RBFOX3: variants seen among roughly 807,000 people sequenced by gnomAD.
RBFOX3 encodes the protein RNA binding protein fox-1 homolog 3.
Under a neutral mutation model 48.7 loss-of-function variants are expected in RBFOX3, and 17 were observed. The ratio of observed to expected loss-of-function variants is 0.35; its 90% confidence interval spans 0.24 to 0.52. The LOEUF (loss-of-function observed/expected upper bound fraction) is 0.52, where lower values mean the gene tolerates loss of function less well. Among genes scored for constraint, RBFOX3 ranks in the 20% least tolerant of loss-of-function variants. RBFOX3 has a pLI of 0.94. For missense variants in RBFOX3, 382 were observed against 497.5 expected, an observed-to-expected ratio of 0.77 and a Z score of 2.21; for synonymous variants, 212 against 209.5, an observed-to-expected ratio of 1.01 and a Z score of -0.10.
At chr17:79,177,097 A>C (rs2050728679) in intron 4 of RBFOX3, among the ~76,000 whole-genome samples, 1 of 151,948 alleles carries the variant, frequency 6.6e-6, no homozygotes, top group Non-Finnish European at 1.5e-5. Context: ...TGCCCATGGG[A>C]CTGTCTGTCC....
At chr17:79,259,314 G>A (rs766810053) in intron 3 of RBFOX3, among the ~76,000 whole-genome samples, 23 of 152,334 alleles carry the variant, frequency 1.5e-4, no homozygotes, top group Admixed American at 7.8e-4. Context: ...CACCGATCTC[G>A]GGTAGGGTCC....
intron 1 of RBFOX3, among the ~76,000 whole-genome samples, chr17:79,486,535 GCACATATGCT>G (rs2079633955): frequency 6.6e-6 from 1 of 152,178 alleles, no homozygotes; most frequent in South Asian, 2.1e-4. Context: ...ACATATGCGT[GCACATATGCT>G]CACATATGCA....
chr17:79,217,573 G>A (rs2059215528), intron 4 of RBFOX3, among the ~76,000 whole-genome samples: 1 of 152,174 alleles, frequency 6.6e-6, no homozygotes, highest in African/African-American at 2.4e-5. Context: ...AGATGGAGGG[G>A]TGAATGGGTA....
intron 1 of RBFOX3, among the ~76,000 whole-genome samples, chr17:79,501,549 A>G (rs1156614528): frequency 6.6e-6 from 1 of 152,218 alleles, no homozygotes; most frequent in African/African-American, 2.4e-5. Flanking sequence ...TGAACCTGCA[A>G]GAGCCGAGGG....
intron 1 of RBFOX3, among the ~76,000 whole-genome samples, chr17:79,555,692 T>TA (rs2091676277): frequency 6.6e-6 from 1 of 152,196 alleles, no homozygotes; most frequent in African/African-American, 2.4e-5. Flanking sequence ...ATGGTGGTGA[T>TA]GGTGGTGATA....
intron 1 of RBFOX3, among the ~76,000 whole-genome samples, chr17:79,540,128 G>A (rs938386643): frequency 3.3e-5 from 5 of 152,096 alleles, no homozygotes; most frequent in African/African-American, 4.8e-5. Flanking sequence ...TCTTTCTCCC[G>A]GTAATCACAC....
At chr17:79,592,476 A>G (rs1238801990) in intron 1 of RBFOX3, among the ~76,000 whole-genome samples, 1 of 151,950 alleles carries the variant, frequency 6.6e-6, no homozygotes, top group Non-Finnish European at 1.5e-5. Context: ...TAGTGTGTGC[A>G]TGTGTACGTG....
rs533048629 is a variant in RBFOX3, at chr17:79,354,591, G to A, written c.-174-46767C>T. ...ACTTCCACCACGGGGAGAAACCAGCGTGGAAGGCAGTAGGAAGATGACAGG... is the reference window on the plus strand; with the variant it reads ...ACTTCCACCACGGGGAGAAACCAGCATGGAAGGCAGTAGGAAGATGACAGG... On this transcript the variant is annotated intron_variant, in intron 2 of 14. Coordinates refer to ENST00000693108, the MANE Select transcript of RBFOX3 (RefSeq NM_001350451.2). 2.6e-5 allele frequency among the ~76,000 whole-genome samples: 4 copies of A among 152,372 alleles called. No homozygotes were observed. The South Asian group carries it at 6.2e-4, about 24-fold the overall frequency.
chr17:79,114,026 G>C (rs770734513), intron 5 of RBFOX3, among the ~76,000 whole-genome samples: 1 of 152,094 alleles, frequency 6.6e-6, no homozygotes, highest in Non-Finnish European at 1.5e-5. Flanking sequence ...GTTTTCTTCT[G>C]GGACGAACCC....
intron 3 of RBFOX3, among the ~76,000 whole-genome samples, chr17:79,282,845 C>G (rs1255733884): frequency 6.6e-6 from 1 of 152,266 alleles, no homozygotes; most frequent in Non-Finnish European, 1.5e-5. Flanking sequence ...GAGAAAGAGG[C>G]TGGTCTACTG....
At chr17:79,226,487 C>T (rs893444053) in intron 4 of RBFOX3, among the ~76,000 whole-genome samples, 4 of 152,120 alleles carry the variant, frequency 2.6e-5, no homozygotes, top group Non-Finnish European at 5.9e-5. Context: ...GAGCAGTCAC[C>T]TGCCTGCTAT....
At chr17:79,332,223 T>C (rs891073501) in intron 2 of RBFOX3, among the ~76,000 whole-genome samples, 3 of 152,162 alleles carry the variant, frequency 2.0e-5, no homozygotes, top group African/African-American at 7.2e-5. Flanking sequence ...TGTCTCCAAA[T>C]TGGAGATCAC....
intron 2 of RBFOX3, among the ~76,000 whole-genome samples, chr17:79,414,171 T>C (rs1012708947): frequency 6.6e-6 from 1 of 151,974 alleles, no homozygotes; most frequent in African/African-American, 2.4e-5. Context: ...AGGGCCACAC[T>C]CCTGTCCATA....
At chr17:79,290,157 T>C (rs1159323033) in intron 3 of RBFOX3, among the ~76,000 whole-genome samples, 1 of 151,858 alleles carries the variant, frequency 6.6e-6, no homozygotes, top group East Asian at 2.0e-4. Context: ...CATACCAGTG[T>C]GAGACACACA....
chr17:79,400,078 C>T (rs955642093), intron 2 of RBFOX3, among the ~76,000 whole-genome samples: 3 of 152,088 alleles, frequency 2.0e-5, no homozygotes, highest in Non-Finnish European at 2.9e-5. Context: ...GGATCAGGAT[C>T]GGAGCAGGAT....
chr17:79,410,228 G>A (rs1026512716), intron 2 of RBFOX3, among the ~76,000 whole-genome samples: 14 of 152,192 alleles, frequency 9.2e-5, no homozygotes, highest in African/African-American at 2.4e-4. Context: ...TCTTGTGGAC[G>A]GTCAGTTTCC....
intron 4 of RBFOX3, among the ~76,000 whole-genome samples, chr17:79,192,554 C>A (rs2146520439): frequency 6.6e-6 from 1 of 152,340 alleles, no homozygotes; most frequent in East Asian, 1.9e-4. Context: ...ACCCTCCCAG[C>A]TTGGAGGCAA....
rs576589522 is a variant in RBFOX3, at chr17:79,301,078, C to T, written c.-74+6646G>A. ...TCACCCCTTCCCAGTCACTGCACCT[C>T]GGCAGTTTTAACATACGTAGGCCCC... is the stretch of plus-strand genomic sequence containing the variant. On this transcript the variant is annotated intron_variant, in intron 3 of 14. Coordinates refer to ENST00000693108, the MANE Select transcript of RBFOX3 (RefSeq NM_001350451.2). Among the ~76,000 whole-genome samples, 43 of 152,326 alleles carry T rather than the reference C, an allele frequency of 2.8e-4. No individual in the cohort carries two copies. The South Asian group carries it at 7.5e-3, about 26-fold the overall frequency.
Position 79,209,954 on chromosome 17 carries a change from G to A in RBFOX3, c.-34+25812C>T, listed in dbSNP as rs540848937. Among the ~76,000 whole-genome samples, 199 of 144,616 alleles carry A rather than the reference G, an allele frequency of 1.4e-3. 1 individual carries two copies. The highest frequency in any genetic ancestry group is 2.3e-3 in the Non-Finnish European group (154 of 67,084). 94.9% of individuals were successfully genotyped at this position (144,616 alleles called of 152,430 possible). A position where few individuals can be genotyped will look rare whatever the true frequency, so the allele number is the denominator to read the frequency against. ...GGAGCTTGCAGTGAGCCGAGATCAC[G>A]CCACTGCACTCTAGCCTGGGCGACA... On this transcript the variant is annotated intron_variant, in intron 4 of 14. Coordinates refer to ENST00000693108, the MANE Select transcript of RBFOX3 (RefSeq NM_001350451.2).
Sources: gnomAD v4.1 joint callset for allele counts (sites outside exome capture counted in the v4.1 genomes callset) on GRCh38, gnomAD v4.1.1 for gene constraint, MANE v1.5 for transcripts, NCBI Gene and HGNC (gene_info 2026-07-23, HGNC 2026-07-21) for gene names.